The following DOC2B variants were observed in gnomAD, a reference collection of about 807,000 sequenced individuals.
The protein encoded by DOC2B is double C2-like domain-containing protein beta.
Under a neutral mutation model 28.9 loss-of-function variants are expected in DOC2B, and 21 were observed. That is an observed-to-expected ratio of 0.73 (90% CI 0.52 to 1.05). The LOEUF (loss-of-function observed/expected upper bound fraction) is 1.05, where lower values mean the gene tolerates loss of function less well. DOC2B is among the 50% of genes least tolerant of loss of function. DOC2B has a pLI of 0.00. For missense variants in DOC2B, 384 were observed against 421.1 expected, an observed-to-expected ratio of 0.91 and a Z score of 0.77; for synonymous variants, 194 against 178.1, an observed-to-expected ratio of 1.09 and a Z score of -0.71.
chr17:163,529 A>G (rs1328873465), intron 3 of DOC2B: 2 of 152,388 alleles, frequency 1.3e-5, no homozygotes, highest in African/African-American at 2.4e-5. Flanking sequence ...CTGACTTTCC[A>G]TGGCTCAAGG....
intron 1 of DOC2B, among the ~76,000 whole-genome samples, chr17:177,323 C>T (rs1358361207): frequency 6.6e-6 from 1 of 152,186 alleles, no homozygotes; most frequent in Non-Finnish European, 1.5e-5. Context: ...AGTTCAACCT[C>T]CTTGGTGTGG....
intron 5 of DOC2B, among the ~76,000 whole-genome samples, chr17:160,919 C>A (rs923241976): frequency 1.3e-5 from 2 of 152,158 alleles, no homozygotes; most frequent in Non-Finnish European, 2.9e-5. Flanking sequence ...CTTGCGCGTC[C>A]TGTCCACCCG....
rs2040435857 is a variant in DOC2B, at chr17:181,063, C to T, written c.373+44G>A. Reference sequence around the variant, plus strand: ...CGCGAGGCCGTGGGGGGGCCGAGCCCGAGCCAGGGGAGGGGGCGCGAAGTC... The same window carrying T: ...CGCGAGGCCGTGGGGGGGCCGAGCCTGAGCCAGGGGAGGGGGCGCGAAGTC... On this transcript the variant is annotated intron_variant, in intron 1 of 8. Coordinates refer to ENST00000613549, the MANE Select transcript of DOC2B (RefSeq NM_003585.5). This position sits in a 1 kb window ranked among gnomAD's most constrained non-coding sequence, Gnocchi z 7.0. The T allele has an allele frequency of 1.6e-6, 2 of 1,218,058 alleles. No homozygotes were observed. Among genetic ancestry groups the T allele is most frequent in the African/African-American group, 1.6e-5 (1 of 62,832 alleles). The allele number at this position is 1,218,058 out of a possible 1,614,324, so 75.5% of individuals were successfully genotyped here.
chr17:159,350 G>A lies in DOC2B; in HGVS notation c.765+2065C>T, dbSNP rs1597822613. Among the ~76,000 whole-genome samples, 8 of 152,314 alleles carry A rather than the reference G, an allele frequency of 5.3e-5. No homozygotes were observed. The Middle Eastern group carries it at 0.01, about 194-fold the overall frequency. On this transcript the variant is annotated intron_variant, in intron 5 of 8. Coordinates refer to ENST00000613549, the MANE Select transcript of DOC2B (RefSeq NM_003585.5). ...TACTAAAAATACCAAAATTAGCCAG[G>A]CGTGGTGGCGCACACCTGTAATCCC...
chr17:148,907 C>A (rs1445933859), intron 7 of DOC2B, among the ~76,000 whole-genome samples: 1 of 151,660 alleles, frequency 6.6e-6, no homozygotes, highest in Non-Finnish European at 1.5e-5. Context: ...ACACTTCCCT[C>A]CCCCCAGCCC....
At chr17:156,808 G>A (rs1437976697) in intron 5 of DOC2B, among the ~76,000 whole-genome samples, 1 of 152,148 alleles carries the variant, frequency 6.6e-6, no homozygotes, top group Non-Finnish European at 1.5e-5. Context: ...CAAACTCCTG[G>A]GCTCAAGGGA....
intron 2 of DOC2B, among the ~76,000 whole-genome samples, chr17:169,633 T>C (rs191074676): frequency 2.0e-5 from 3 of 152,274 alleles, no homozygotes; most frequent in Non-Finnish European, 1.5e-5. Flanking sequence ...AACAGGCATG[T>C]AGGGCAGGGA....
At chr17:153,392 T>C (rs1490954858) in intron 6 of DOC2B, among the ~76,000 whole-genome samples, 3 of 152,198 alleles carry the variant, frequency 2.0e-5, no homozygotes, top group Non-Finnish European at 4.4e-5. Flanking sequence ...AGGTGGGCAT[T>C]GAAACTGGTT....
chr17:161,631 C>T, intron 4 of DOC2B, 90 bp from the exon 5 acceptor site: 4 of 1,524,792 alleles, frequency 2.6e-6, no homozygotes, highest in East Asian at 4.9e-5. Flanking sequence ...GCCCTGGCTT[C>T]TCCTGCCCCA....
chr17:161,176 G>A (rs1374967224), intron 5 of DOC2B, among the ~76,000 whole-genome samples: 2 of 152,048 alleles, frequency 1.3e-5, no homozygotes, highest in Non-Finnish European at 2.9e-5. Context: ...CCAGGCCAGC[G>A]AGCCTGGTAA....
chr17:170,227 G>C (rs1234328542), intron 2 of DOC2B, among the ~76,000 whole-genome samples: 1 of 152,196 alleles, frequency 6.6e-6, no homozygotes, highest in African/African-American at 2.4e-5. Context: ...GGGTGGGCTG[G>C]AGCCCCCGCC....
At chr17:157,303 G>A (rs1444338122) in intron 5 of DOC2B, among the ~76,000 whole-genome samples, 1 of 152,168 alleles carries the variant, frequency 6.6e-6, no homozygotes, top group Non-Finnish European at 1.5e-5. Context: ...ATAAATTCCT[G>A]GTCCTTCTGG....
chr17:148,457 T>C (rs1259087806), intron 7 of DOC2B, among the ~76,000 whole-genome samples, 188 bp from the exon 8 acceptor site: 2 of 152,000 alleles, frequency 1.3e-5, no homozygotes, highest in African/African-American at 4.8e-5. Flanking sequence ...AGGGCCCCTG[T>C]CCCCTCGCCC....
chr17:175,266 G>A (rs1444998089), intron 1 of DOC2B, among the ~76,000 whole-genome samples: 1 of 152,144 alleles, frequency 6.6e-6, no homozygotes, highest in East Asian at 1.9e-4. Flanking sequence ...GGTCTTGAGT[G>A]AAGCCTGAGG....
At chr17:173,222 GTGCAGCCATAATTGGGGGAGGT>G (rs1278019977) in intron 1 of DOC2B, among the ~76,000 whole-genome samples, 2 of 152,118 alleles carry the variant, frequency 1.3e-5, no homozygotes, top group Non-Finnish European at 2.9e-5. Flanking sequence ...CGGGGGGAGG[GTGCAGCCATAATTGGGGGAGGT>G]TGCAGCCATA....
At chr17:160,865 C>T (rs372334418) in intron 5 of DOC2B, among the ~76,000 whole-genome samples, 108 of 152,270 alleles carry the variant, frequency 7.1e-4, no homozygotes, top group African/African-American at 2.5e-3. Flanking sequence ...GTCTCCTCTG[C>T]GTATCTCACA....
intron 6 of DOC2B, among the ~76,000 whole-genome samples, chr17:153,129 C>G (rs957066674): frequency 6.6e-6 from 1 of 152,100 alleles, no homozygotes; most frequent in Admixed American, 6.5e-5. Flanking sequence ...CAGGGAGTGG[C>G]CCACAGCTCG....
chr17:158,151 G>C (rs1254153546), intron 5 of DOC2B, among the ~76,000 whole-genome samples: 4 of 152,156 alleles, frequency 2.6e-5, no homozygotes, highest in South Asian at 4.1e-4. Context: ...CTCAGCTCCA[G>C]GCCTCCCCAT....
chr17:155,640 C>T (rs1262071798), intron 6 of DOC2B, among the ~76,000 whole-genome samples: 4 of 152,206 alleles, frequency 2.6e-5, no homozygotes, highest in Non-Finnish European at 5.9e-5. Context: ...CAGCTCCTGC[C>T]TGGCTCTCAG....
Sources: allele counts gnomAD v4.1 joint callset (sites outside exome capture counted in the v4.1 genomes callset), GRCh38; gene constraint gnomAD v4.1.1; non-coding constraint Gnocchi (gnomAD v3.1); transcripts MANE v1.5; gene names NCBI Gene and HGNC (gene_info 2026-07-23, HGNC 2026-07-21).